EFCAB8: variants seen among roughly 807,000 people sequenced by gnomAD.
EFCAB8 encodes EF-hand calcium binding domain 8, also known as EF-hand calcium-binding domain-containing protein 8.
EFCAB8 carries 100 observed loss-of-function variants against 116.3 expected under a neutral mutation model. That is an observed-to-expected ratio of 0.86 (90% confidence interval 0.73 to 1.02). The LOEUF (loss-of-function observed/expected upper bound fraction) is 1.02, where lower values mean the gene tolerates loss of function less well. Among genes scored for constraint, EFCAB8 ranks in the 50% least tolerant of loss-of-function variants. The pLI is 0.00. For synonymous variants in EFCAB8, 558 were observed against 567.9 expected, an observed-to-expected ratio of 0.98 and a Z score of 0.25; for missense variants, 1,320 against 1,416.9, an observed-to-expected ratio of 0.93 and a Z score of 1.10.
intron 1 of EFCAB8, among the ~76,000 whole-genome samples, chr20:32,860,610 G>A (rs1476671248): frequency 6.8e-6 from 1 of 147,404 alleles, no homozygotes; most frequent in Non-Finnish European, 1.5e-5. Context: ...GGGTTCAAGC[G>A]ATTCTCGTGC....
At chr20:32,935,728 A>T (rs1988095534) in intron 22 of EFCAB8, among the ~76,000 whole-genome samples, 1 of 149,702 alleles carries the variant, frequency 6.7e-6, no homozygotes, top group African/African-American at 2.5e-5. Context: ...CTGGTCTTGA[A>T]CTCCTGACCT....
intron 11 of EFCAB8, among the ~76,000 whole-genome samples, chr20:32,899,345 C>A (rs1268411682): frequency 2.8e-5 from 4 of 144,904 alleles, no homozygotes; most frequent in African/African-American, 7.7e-5. Context: ...GTGGAGCTTG[C>A]AGTGAGCCGA....
intron 2 of EFCAB8, among the ~76,000 whole-genome samples, chr20:32,864,255 G>A (rs1036273769): frequency 2.6e-5 from 4 of 151,186 alleles, no homozygotes; most frequent in African/African-American, 7.3e-5. Context: ...GACTACAGGC[G>A]TGAGCCACCA....
intron 1 of EFCAB8, among the ~76,000 whole-genome samples, chr20:32,859,337 C>G (rs1416439371): frequency 6.6e-6 from 1 of 152,216 alleles, no homozygotes; most frequent in Admixed American, 6.6e-5. Context: ...GACTTCTGAT[C>G]TGACCTGTTC....
At chr20:32,906,232 G>A (rs909009485) in intron 11 of EFCAB8, among the ~76,000 whole-genome samples, 5 of 152,152 alleles carry the variant, frequency 3.3e-5, no homozygotes, top group African/African-American at 1.2e-4. Flanking sequence ...TTTGCCCTTG[G>A]AATGAGGCCA....
intron 5 of EFCAB8, among the ~76,000 whole-genome samples, chr20:32,881,495 C>A (rs774156844): frequency 6.6e-6 from 1 of 152,212 alleles, no homozygotes; most frequent in Non-Finnish European, 1.5e-5. Context: ...CCGCATCCAG[C>A]CAGTCATCTC....
chr20:32,892,212 G>T lies in EFCAB8; in HGVS notation c.674-1G>T, dbSNP rs981722282. 6.4e-7 allele frequency: 1 copy of T among 1,551,550 alleles called. No homozygotes were observed. Among genetic ancestry groups the T allele is most frequent in the African/African-American group, 1.4e-5 (1 of 73,040 alleles). On this transcript the variant is annotated splice_acceptor_variant, in intron 7 of 26. Transcript: ENST00000400522. LOFTEE classifies it high-confidence loss of function. ...TATGTGGCCTTCTGTCTTTCCCCCA[G>T]ATTTCTTTGATATTAGTGACCACAA... is the stretch of plus-strand genomic sequence containing the variant.
At position 32,885,406 on chromosome 20, in the gene EFCAB8, T is replaced by C. The variant is rs1161952120; in HGVS notation, c.432-99T>C. The C allele has an allele frequency of 2.7e-6, 4 of 1,488,162 alleles. No individual in the cohort carries two copies. The Admixed American group carries it at 9.0e-5, about 34-fold the overall frequency. 92.2% of individuals were successfully genotyped at this position (1,488,162 alleles called of 1,614,324 possible). Reference sequence around the variant, plus strand: ...TGCGTGTGCGTGACGCTCCGCCGGCTTTTGTCCCTCCTCCTCGGTGGCTCT... The same window carrying C: ...TGCGTGTGCGTGACGCTCCGCCGGCCTTTGTCCCTCCTCCTCGGTGGCTCT... On this transcript the variant is annotated intron_variant, in intron 5 of 26. Coordinates refer to ENST00000400522, the MANE Select transcript of EFCAB8 (RefSeq NM_001143967.2).
chr20:32,951,033 G>T (rs770307453), intron 23 of EFCAB8, among the ~76,000 whole-genome samples: 2 of 152,142 alleles, frequency 1.3e-5, no homozygotes, highest in African/African-American at 2.4e-5. Context: ...AATTAAAACC[G>T]CTGTAAGATA....
chr20:32,861,105 T>A (rs149476405), intron 1 of EFCAB8, among the ~76,000 whole-genome samples: 322 of 152,264 alleles, frequency 2.1e-3, no homozygotes, highest in African/African-American at 7.3e-3. Context: ...GATTCATCCT[T>A]CTGATGTTTG....
chr20:32,908,267 T>C lies in EFCAB8; in HGVS notation c.1309-8T>C. 8.0e-7 allele frequency: 1 copy of C among 1,249,790 alleles called. No homozygotes were observed. The highest frequency in any genetic ancestry group is 1.0e-6 in the Non-Finnish European group (1 of 988,232). The allele number at this position is 1,249,790 out of a possible 1,614,324, so 77.4% of individuals were successfully genotyped here. A position where few individuals can be genotyped will look rare whatever the true frequency, so the allele number is the denominator to read the frequency against. On this transcript the variant is annotated splice_polypyrimidine_tract_variant and splice_region_variant and intron_variant, in intron 13 of 26. Coordinates refer to ENST00000400522, the MANE Select transcript of EFCAB8 (RefSeq NM_001143967.2). ...TGCTCAGCGTCTTGCCTTTTTCCCATCCCCCAGAATATTCGCGTGTGGGAC... is the reference window on the plus strand; with the variant it reads ...TGCTCAGCGTCTTGCCTTTTTCCCACCCCCCAGAATATTCGCGTGTGGGAC...
At chr20:32,877,854 G>C (rs1985065191) in intron 4 of EFCAB8, among the ~76,000 whole-genome samples, 1 of 152,142 alleles carries the variant, frequency 6.6e-6, no homozygotes, top group African/African-American at 2.4e-5. Flanking sequence ...AGTGAATAAA[G>C]AGCTCCCAGG....
At position 32,961,278 on chromosome 20, in the gene EFCAB8, C is replaced by A. The variant is rs1989142881; in HGVS notation, c.3536C>A (p.Pro1179His). The change falls in exon 27 of 27, where the codon CCC becomes CAC. Residue 1179 changes from proline (P) to histidine (H), a missense_variant. Coordinates refer to ENST00000400522, the MANE Select transcript of EFCAB8 (RefSeq NM_001143967.2). ...VAHHVQKDLV[P>H]SREQAVLDTT... ...CACCATGTCCAGAAGGACCTGGTGC[C>A]CAGCAGGGAGCAGGCTGTGCTGGAT... 4 of 1,549,902 alleles carry A rather than the reference C, an allele frequency of 2.6e-6. No homozygotes were observed. Among genetic ancestry groups the A allele is most frequent in the Non-Finnish European group, 8.7e-7 (1 of 1,146,068 alleles).
At position 32,874,156 on chromosome 20, in the gene EFCAB8, A is replaced by G. The variant is rs1374420588; in HGVS notation, c.209-1770A>G. On this transcript the variant is annotated intron_variant, in intron 3 of 26. Transcript: ENST00000400522. ...GCCTGGTCTCAAACTCCTGGGCTCAAGCCTTCTGCCCACCTCAGCCTCCCA... is the reference window on the plus strand; with the variant it reads ...GCCTGGTCTCAAACTCCTGGGCTCAGGCCTTCTGCCCACCTCAGCCTCCCA... 2.4e-3 allele frequency among the ~76,000 whole-genome samples: 362 copies of G among 152,126 alleles called. 2 individuals carry two copies. Among genetic ancestry groups the G allele is most frequent in the African/African-American group, 8.4e-3 (348 of 41,446 alleles).
intron 15 of EFCAB8, among the ~76,000 whole-genome samples, chr20:32,910,738 CT>C (rs34185318): frequency 0.04 from 4,253 of 107,106 alleles, 17 homozygotes; most frequent in Non-Finnish European, 0.048. Flanking sequence ...TCACTTGCTA[CT>C]TTTTTTTTTT....
chr20:32,944,226 A>C (rs901380788), intron 23 of EFCAB8, among the ~76,000 whole-genome samples: 1 of 152,002 alleles, frequency 6.6e-6, no homozygotes, highest in Non-Finnish European at 1.5e-5. Flanking sequence ...TGTAATCCCA[A>C]CACTTTTTTG....
At chr20:32,910,857 C>G (rs564221000) in intron 15 of EFCAB8, among the ~76,000 whole-genome samples, 39 of 151,420 alleles carry the variant, frequency 2.6e-4, no homozygotes, top group Non-Finnish European at 3.1e-4. Context: ...CCTGCCTCAG[C>G]CTCCCGAGTA....
intron 11 of EFCAB8, among the ~76,000 whole-genome samples, chr20:32,900,733 AT>A (rs1047355146): frequency 2.0e-5 from 3 of 151,422 alleles, no homozygotes; most frequent in Non-Finnish European, 4.4e-5. Flanking sequence ...TGCCCGGTTA[AT>A]TTTTTTTCAT....
At position 32,878,508 on chromosome 20, in the gene EFCAB8, CT is replaced by C. The variant is rs1292839813; in HGVS notation, c.328-176del. Among the ~76,000 whole-genome samples the C allele has an allele frequency of 2.1e-3, 247 of 116,628 alleles. 1 individual carries two copies. The highest frequency in any genetic ancestry group is 0.012 in the South Asian group (40 of 3,344). The allele number at this position is 116,628 out of a possible 152,430, so 76.5% of individuals were successfully genotyped here. ...GGACCCTGGGAATCAGGCTTGAGTT[CT>C]TTTTTTTTTTTTTTTTTTTGAGACG... On this transcript the variant is annotated intron_variant, in intron 4 of 26. Transcript: ENST00000400522.
Sources: allele counts gnomAD v4.1 joint callset (sites outside exome capture counted in the v4.1 genomes callset), GRCh38; gene constraint gnomAD v4.1.1; transcripts MANE v1.5; gene names NCBI Gene and HGNC (gene_info 2026-07-23, HGNC 2026-07-21).